ARHGAP42: variants seen among roughly 807,000 people sequenced by gnomAD.
The protein encoded by ARHGAP42 is Rho GTPase activating protein 42.
A neutral mutation model predicts 125.0 loss-of-function variants in ARHGAP42; 63 were observed. That is an observed-to-expected ratio of 0.50 (90% CI 0.41 to 0.62). The LOEUF is 0.62. Among genes scored for constraint, ARHGAP42 ranks in the 20% least tolerant of loss-of-function variants. The pLI is 0.00. For missense variants in ARHGAP42, 766 were observed against 1,024.2 expected (o/e 0.75, Z 3.44); for synonymous variants, 339 against 351.0 (o/e 0.97, Z 0.38).
At position 100,920,925 on chromosome 11, in the gene ARHGAP42, A is replaced by C. The variant is rs1867220899; in HGVS notation, c.487-569A>C. Among the ~76,000 whole-genome samples, 3 of 151,628 alleles carry C rather than the reference A, an allele frequency of 2.0e-5. No homozygotes were observed. In the South Asian group the frequency reaches 6.2e-4, roughly 32 times the overall value. On this transcript the variant is annotated intron_variant, in intron 5 of 23. Transcript: ENST00000298815. The stretch of plus-strand genomic sequence containing the variant: ...ATGCTTCTCCCACCATTAAAATCCT[A>C]ATTTGTTATGCAGCATCCAAGATAC...
intron 12 of ARHGAP42, 162 bp from the exon 13 acceptor site, chr11:100,959,721 C>A (rs1331520273): frequency 3.2e-6 from 2 of 627,384 alleles, no homozygotes; most frequent in African/African-American, 3.7e-5. Context: ...CCCTCCTCTA[C>A]TTCTACCCCA....
At chr11:100,720,229 C>G (rs564174414) in intron 1 of ARHGAP42, among the ~76,000 whole-genome samples, 1 of 152,196 alleles carries the variant, frequency 6.6e-6, no homozygotes, top group Non-Finnish European at 1.5e-5. Context: ...AATTCAGCAG[C>G]CTTTTACTGA....
At chr11:100,770,850 A>T (rs1402360032) in intron 2 of ARHGAP42, among the ~76,000 whole-genome samples, 2 of 152,242 alleles carry the variant, frequency 1.3e-5, no homozygotes, top group African/African-American at 2.4e-5. Context: ...AAGTGTTGGG[A>T]TTACTGGCGT....
At chr11:100,942,020 T>C (rs693760) in intron 9 of ARHGAP42, 136 bp downstream of exon 9, 591,383 of 675,072 alleles carry the variant, frequency 0.88, 259,769 homozygotes, top group East Asian at 1. Context: ...AAAGGTTTTC[T>C]CTCATTTTTG....
At chr11:100,761,467 T>G (rs757506753) in intron 1 of ARHGAP42, among the ~76,000 whole-genome samples, 1 of 152,234 alleles carries the variant, frequency 6.6e-6, no homozygotes, top group Admixed American at 6.5e-5. Context: ...CTTTGAACTT[T>G]CTGTTTTTAA....
intron 4 of ARHGAP42, among the ~76,000 whole-genome samples, chr11:100,873,953 G>A (rs926916614): frequency 6.6e-6 from 1 of 152,172 alleles, no homozygotes; most frequent in Non-Finnish European, 1.5e-5. Flanking sequence ...GGCTGGTGCT[G>A]AGAAACCACC....
chr11:100,742,742 G>A (rs1485397573), intron 1 of ARHGAP42, among the ~76,000 whole-genome samples: 2 of 152,082 alleles, frequency 1.3e-5, no homozygotes, highest in Non-Finnish European at 2.9e-5. Flanking sequence ...TTACGAATCT[G>A]GGAGGTCCAG....
chr11:100,963,138 A>G (rs1212994604), intron 16 of ARHGAP42, among the ~76,000 whole-genome samples: 1 of 152,246 alleles, frequency 6.6e-6, no homozygotes, highest in South Asian at 2.1e-4. Flanking sequence ...GCACATGCTC[A>G]TGTGCTGTAT....
intron 4 of ARHGAP42, among the ~76,000 whole-genome samples, chr11:100,903,117 G>GCACACACACACA (rs1555021069): frequency 0.047 from 6,251 of 131,910 alleles, 204 homozygotes; most frequent in Non-Finnish European, 0.054. Flanking sequence ...TCCAAGATGC[G>GCACACACACACA]CACACACACA....
chr11:100,903,145 A>ACACACACACACACACC, intron 4 of ARHGAP42, among the ~76,000 whole-genome samples: 1 of 151,256 alleles, frequency 6.6e-6, no homozygotes, highest in East Asian at 1.9e-4. Context: ...ACACACACAC[A>ACACACACACACACACC]CACACACACA....
chr11:100,909,699 G>A (rs1380513502), intron 4 of ARHGAP42, among the ~76,000 whole-genome samples: 3 of 152,052 alleles, frequency 2.0e-5, no homozygotes, highest in Non-Finnish European at 4.4e-5. Flanking sequence ...GTTAATTTTT[G>A]TATATGGTGA....
chr11:100,779,591 T>TATACATACGTATATATAC, intron 2 of ARHGAP42, among the ~76,000 whole-genome samples: 1 of 142,118 alleles, frequency 7.0e-6, no homozygotes, highest in African/African-American at 2.5e-5. Context: ...CATATATACG[T>TATACATACGTATATATAC]GTATATATAT....
At chr11:100,876,136 T>C (rs534561140) in intron 4 of ARHGAP42, among the ~76,000 whole-genome samples, 15 of 152,254 alleles carry the variant, frequency 9.9e-5, no homozygotes, top group Non-Finnish European at 1.9e-4. Context: ...TGTTTGATAA[T>C]TTGGCTTCCT....
chr11:100,857,209 A>G (rs1424811265), intron 3 of ARHGAP42, among the ~76,000 whole-genome samples: 1 of 152,078 alleles, frequency 6.6e-6, no homozygotes, highest in African/African-American at 2.4e-5. Context: ...GTTTAACATT[A>G]ATAGAACGGG....
At chr11:100,909,735 T>C (rs962087875) in intron 4 of ARHGAP42, among the ~76,000 whole-genome samples, 1 of 152,224 alleles carries the variant, frequency 6.6e-6, no homozygotes, top group African/African-American at 2.4e-5. Context: ...TCCAGTTTCA[T>C]GCTTCTGCAT....
At chr11:100,791,940 A>T (rs531616082) in intron 2 of ARHGAP42, among the ~76,000 whole-genome samples, 1 of 152,356 alleles carries the variant, frequency 6.6e-6, no homozygotes, top group African/African-American at 2.4e-5. Context: ...TAAACAAAAA[A>T]GTAGAATAGC....
intron 3 of ARHGAP42, among the ~76,000 whole-genome samples, chr11:100,847,669 G>A (rs193110730): frequency 1.3e-5 from 2 of 152,218 alleles, no homozygotes; most frequent in Admixed American, 6.5e-5. Context: ...CTAAGGCGGC[G>A]GGGAGACCCT....
chr11:100,774,348 G>A (rs560750642), intron 2 of ARHGAP42, among the ~76,000 whole-genome samples: 8 of 152,190 alleles, frequency 5.3e-5, no homozygotes, highest in Non-Finnish European at 8.8e-5. Context: ...CGTTTTCACT[G>A]TCTTTACCTT....
At chr11:100,905,225 T>C (rs1446276192) in intron 4 of ARHGAP42, among the ~76,000 whole-genome samples, 1 of 152,206 alleles carries the variant, frequency 6.6e-6, no homozygotes, top group Non-Finnish European at 1.5e-5. Context: ...AAAGTGAATA[T>C]ATTATTTAGA....
Sources: gnomAD v4.1 joint callset for allele counts (sites outside exome capture counted in the v4.1 genomes callset) on GRCh38, gnomAD v4.1.1 for gene constraint, MANE v1.5 for transcripts, NCBI Gene and HGNC (gene_info 2026-07-23, HGNC 2026-07-21) for gene names.